The following SLC22A2 variants were observed in gnomAD, a reference collection of about 807,000 sequenced individuals.
The protein encoded by SLC22A2 is solute carrier family 22 member 2, also known as organic cation transporter 2.
A neutral mutation model predicts 60.5 loss-of-function variants in SLC22A2; 46 were observed. The observed-to-expected ratio is 0.76, with a 90% confidence interval of 0.60 to 0.97. SLC22A2 has a LOEUF of 0.97. Among genes scored for constraint, SLC22A2 ranks in the 50% least tolerant of loss-of-function variants. The probability of loss-of-function intolerance (pLI) is 0.00; values close to 1 mark genes in which losing one functional copy is unlikely to be tolerated. For missense variants in SLC22A2, 701 were observed against 706.6 expected (o/e 0.99, Z 0.09); for synonymous variants, 303 against 267.0 (o/e 1.13, Z -1.31).
Position 160,250,668 on chromosome 6 carries a change from G to C in SLC22A2, c.553C>G (p.Leu185Val). 6.2e-7 allele frequency: 1 copy of C among 1,613,998 alleles called. No individual in the cohort carries two copies. Among genetic ancestry groups the C allele is most frequent in the Non-Finnish European group, 8.5e-7 (1 of 1,179,928 alleles). The change falls in exon 3 of 11, where the codon CTC becomes GTC. Residue 185 changes from leucine (L) to valine (V), a missense_variant. Transcript: ENST00000366953. Reference sequence around the variant, plus strand: ...AGAACTCCAGCTGCAGCATTTATGAGGACTGTAGTTAGGAGGCAGAGCTTA... The same window carrying C: ...AGAACTCCAGCTGCAGCATTTATGACGACTGTAGTTAGGAGGCAGAGCTTA... The part of the protein sequence containing the change: ...GRKLCLLTTV[L>V]INAAAGVLMA...
chr6:160,232,687 T>C (rs1315120511), intron 9 of SLC22A2, among the ~76,000 whole-genome samples: 1 of 151,800 alleles, frequency 6.6e-6, no homozygotes, highest in Non-Finnish European at 1.5e-5. Flanking sequence ...CTTATGCTCA[T>C]AAGGTAGCTA....
chr6:160,255,021 G>C (rs1431733178), intron 2 of SLC22A2, among the ~76,000 whole-genome samples: 2 of 152,228 alleles, frequency 1.3e-5, no homozygotes, highest in African/African-American at 4.8e-5. Flanking sequence ...AGTGCAGAGA[G>C]AGTGAATGCC....
Position 160,224,743 on chromosome 6 carries a change from A to C in SLC22A2, c.1563T>G (p.Ala521=). The part of the protein sequence containing the change: ...VLLLPETKGK[A]LPETIEEAEN... The stretch of plus-strand genomic sequence containing the variant: ...CGGCTTCCTCGATGGTCTCAGGCAA[A>C]GCTTTCCCTTTAGTTTCTGGAAGCA... The change falls in exon 10 of 11, where the codon GCT becomes GCG. Residue 521 remains alanine (A), a synonymous_variant. Transcript: ENST00000366953. 6.2e-7 allele frequency: 1 copy of C among 1,607,286 alleles called. No homozygotes were observed. The highest frequency in any genetic ancestry group is 8.5e-7 in the Non-Finnish European group (1 of 1,176,150).
At chr6:160,238,712 A>G (rs1426281305) in intron 9 of SLC22A2, among the ~76,000 whole-genome samples, 1 of 152,230 alleles carries the variant, frequency 6.6e-6, no homozygotes, top group Non-Finnish European at 1.5e-5. Context: ...AAGGTTAGTG[A>G]GGGAAGAATA....
At chr6:160,255,535 T>G (rs1212903857) in intron 2 of SLC22A2, among the ~76,000 whole-genome samples, 1 of 152,214 alleles carries the variant, frequency 6.6e-6, no homozygotes, top group South Asian at 2.1e-4. Flanking sequence ...GACTTTACCA[T>G]GTATTTCAGT....
intron 10 of SLC22A2, among the ~76,000 whole-genome samples, chr6:160,223,455 T>C (rs981861216): frequency 3.3e-5 from 5 of 152,208 alleles, no homozygotes; most frequent in Non-Finnish European, 7.3e-5. Context: ...ATGTTTTGCT[T>C]TTTCCCCCAT....
intron 9 of SLC22A2, among the ~76,000 whole-genome samples, chr6:160,236,292 C>T (rs1221579428): frequency 6.6e-6 from 1 of 152,186 alleles, no homozygotes; most frequent in Non-Finnish European, 1.5e-5. Flanking sequence ...GAGTTAACTG[C>T]ATGGACTGAA....
At position 160,217,363 on chromosome 6, in the gene SLC22A2, G is replaced by T; in HGVS notation, c.*69C>A. 1 of 983,406 alleles carries T rather than the reference G, an allele frequency of 1.0e-6. No homozygotes were observed. Among genetic ancestry groups the T allele is most frequent in the Non-Finnish European group, 1.6e-6 (1 of 622,750 alleles). The allele number at this position is 983,406 out of a possible 1,614,324, so 60.9% of individuals were successfully genotyped here. A position where few individuals can be genotyped will look rare whatever the true frequency, so the allele number is the denominator to read the frequency against. On this transcript the variant is annotated 3_prime_UTR_variant, in exon 11 of 11. Transcript: ENST00000366953. ...GAGTTGTATGGGCTTTGTGATGAGT[G>T]CAGGGATTTCTACTTTTGGTCTTGC...
rs199637280 is a variant in SLC22A2, at chr6:160,224,803, G to T, written c.1503C>A (p.Gly501=). ...GACCTCCAGCAACCAAGCCAAGCAC[G>T]CCTGAAAGCCAAACAGATGAATATC... is the stretch of plus-strand genomic sequence containing the variant. ...IWLELPLMVF[G]VLGLVAGGLV... is the part of the protein sequence containing the mutation. The change falls in exon 10 of 11, where the codon GGC becomes GGA. Residue 501 remains glycine, a splice_region_variant and synonymous_variant. Transcript: ENST00000366953. 1 of 1,554,986 alleles carries T rather than the reference G, an allele frequency of 6.4e-7. No homozygotes were observed. Among genetic ancestry groups the T allele is most frequent in the Non-Finnish European group, 8.8e-7 (1 of 1,140,280 alleles).
chr6:160,248,616 A>C (rs942694243), intron 4 of SLC22A2, among the ~76,000 whole-genome samples: 1 of 152,208 alleles, frequency 6.6e-6, no homozygotes, highest in Non-Finnish European at 1.5e-5. Context: ...TATTTCAGAT[A>C]ATCTCACATT....
At chr6:160,254,715 G>A (rs1184110682) in intron 2 of SLC22A2, among the ~76,000 whole-genome samples, 3 of 152,140 alleles carry the variant, frequency 2.0e-5, no homozygotes, top group Non-Finnish European at 4.4e-5. Context: ...AAGAAGTCGA[G>A]GCATGGAGAC....
At chr6:160,217,716 G>A (rs981801887) in intron 10 of SLC22A2, among the ~76,000 whole-genome samples, 4 of 152,140 alleles carry the variant, frequency 2.6e-5, no homozygotes, top group African/African-American at 9.7e-5. Context: ...TTATCTTGTT[G>A]AATTGGTACT....
At chr6:160,222,352 T>C (rs937524044) in intron 10 of SLC22A2, among the ~76,000 whole-genome samples, 2 of 152,174 alleles carry the variant, frequency 1.3e-5, no homozygotes, top group Admixed American at 6.5e-5. Flanking sequence ...ATTAAGGCAA[T>C]AAAGCCACAC....
chr6:160,236,586 T>G (rs1420053597), intron 9 of SLC22A2, among the ~76,000 whole-genome samples: 1 of 152,222 alleles, frequency 6.6e-6, no homozygotes, highest in East Asian at 1.9e-4. Flanking sequence ...AGGACACAGT[T>G]GGAGAAACTG....
chr6:160,228,945 G>C (rs943109458), intron 9 of SLC22A2, among the ~76,000 whole-genome samples: 2 of 150,880 alleles, frequency 1.3e-5, no homozygotes, highest in East Asian at 3.9e-4. Context: ...ATCTCCCTTC[G>C]ATGACTGTCT....
At chr6:160,243,904 G>A (rs1459967279) in intron 6 of SLC22A2, 118 bp from the exon 7 acceptor site, 2 of 662,112 alleles carry the variant, frequency 3.0e-6, no homozygotes, top group Non-Finnish European at 5.3e-6. Flanking sequence ...CCATCTCCTT[G>A]CTAGTCCCCC....
intron 9 of SLC22A2, among the ~76,000 whole-genome samples, chr6:160,225,888 G>C (rs1782713773): frequency 6.6e-6 from 1 of 152,118 alleles, no homozygotes; most frequent in African/African-American, 2.4e-5. Flanking sequence ...TGTCATTCTT[G>C]GGTATAGGCT....
chr6:160,219,600 GTT>G (rs59747069), intron 10 of SLC22A2, among the ~76,000 whole-genome samples: 8,942 of 142,674 alleles, frequency 0.063, 731 homozygotes, highest in African/African-American at 0.19. Context: ...TCTCTGGCCT[GTT>G]TTTTTTTTTT....
Position 160,236,245 on chromosome 6 carries a change from G to A in SLC22A2, c.1501+5229C>T, listed in dbSNP as rs368985820. Among the ~76,000 whole-genome samples, 15 of 152,286 alleles carry A rather than the reference G, an allele frequency of 9.8e-5. 2 individuals carry two copies. The highest frequency in any genetic ancestry group is 3.6e-4 in the African/African-American group (15 of 41,554). On this transcript the variant is annotated intron_variant, in intron 9 of 10. Coordinates refer to ENST00000366953, the MANE Select transcript of SLC22A2 (RefSeq NM_003058.4). Reference sequence around the variant, plus strand: ...AGGAAAATACTTTCAGGACTCTCAGGGAGAGGTGAAATGTTCATGTATATC... The same window carrying A: ...AGGAAAATACTTTCAGGACTCTCAGAGAGAGGTGAAATGTTCATGTATATC...
Sources: allele counts gnomAD v4.1 joint callset (sites outside exome capture counted in the v4.1 genomes callset), GRCh38; gene constraint gnomAD v4.1.1; transcripts MANE v1.5; gene names NCBI Gene and HGNC (gene_info 2026-07-23, HGNC 2026-07-21).